The following HMCN1 variants were observed in gnomAD, a reference collection of about 807,000 sequenced individuals.
The protein encoded by HMCN1 is hemicentin-1.
HMCN1 carries 321 observed loss-of-function variants against 625.9 expected under a neutral mutation model. That is an observed-to-expected ratio of 0.51 (90% CI 0.47 to 0.56). The LOEUF (loss-of-function observed/expected upper bound fraction) is 0.56, where lower values mean the gene tolerates loss of function less well. Ranked by LOEUF, HMCN1 falls within the 20% of genes least tolerant of loss-of-function variation. The pLI is 0.00. For missense variants in HMCN1, 6,588 were observed against 6,887.3 expected (o/e 0.96, Z 1.54); for synonymous variants, 2,425 against 2,417.6 (o/e 1.00, Z -0.09).
chr1:186,112,923 A>T lies in HMCN1; in HGVS notation c.11101A>T (p.Thr3701Ser). Reference protein sequence around the residue: ...TCVASNIAGKTTREFILTVNV... With the variant: ...TCVASNIAGKSTREFILTVNV... ...TGTTGCCAGCAACATTGCAGGAAAG[A>T]CTACAAGAGAATTTATTCTCACTGT... is the stretch of plus-strand genomic sequence containing the variant. The change falls in exon 72 of 107, where the codon ACT (threonine) becomes TCT (serine). Residue 3701 changes from threonine to serine, a missense_variant. By Grantham distance (58) the Thr-to-Ser change is moderately conservative (BLOSUM62 1). Transcript: ENST00000271588. 6.2e-7 allele frequency: 1 copy of T among 1,614,138 alleles called. No homozygotes were observed. Among genetic ancestry groups the T allele is most frequent in the Non-Finnish European group, 8.5e-7 (1 of 1,180,002 alleles).
chr1:186,020,097 A>AG (rs1294814953), intron 35 of HMCN1, among the ~76,000 whole-genome samples: 1 of 152,048 alleles, frequency 6.6e-6, no homozygotes, highest in African/African-American at 2.4e-5. Flanking sequence ...AATATTTTTA[A>AG]GAATTAGTTT....
chr1:186,148,064 C>A (rs1437119397), intron 93 of HMCN1, among the ~76,000 whole-genome samples: 1 of 152,196 alleles, frequency 6.6e-6, no homozygotes, highest in Non-Finnish European at 1.5e-5. Flanking sequence ...TCAAATCCTG[C>A]CACTGCTTTA....
chr1:185,758,927 A>C (rs1655306369), intron 1 of HMCN1, among the ~76,000 whole-genome samples: 1 of 152,102 alleles, frequency 6.6e-6, no homozygotes, highest in Admixed American at 6.6e-5. Flanking sequence ...TAAGACCTTC[A>C]CAGGTGGTGG....
chr1:186,036,143 A>G (rs1246604511), intron 36 of HMCN1, among the ~76,000 whole-genome samples: 1 of 152,162 alleles, frequency 6.6e-6, no homozygotes, highest in African/African-American at 2.4e-5. Context: ...ATTATTGTAT[A>G]TCTTTGTCCT....
intron 49 of HMCN1, 99 bp from the exon 50 acceptor site, chr1:186,067,735 G>T (rs1383566772): frequency 1.3e-6 from 1 of 785,164 alleles, no homozygotes; most frequent in Non-Finnish European, 2.2e-6. Context: ...GTAACTGCTA[G>T]GGAATGAAAT....
At chr1:185,814,447 C>T (rs1313690495) in intron 1 of HMCN1, among the ~76,000 whole-genome samples, 2 of 152,128 alleles carry the variant, frequency 1.3e-5, no homozygotes, top group Non-Finnish European at 2.9e-5. Flanking sequence ...AGAAATTACT[C>T]ATACTTCTAC....
intron 4 of HMCN1, among the ~76,000 whole-genome samples, chr1:185,903,607 C>G (rs1399399197): frequency 6.6e-6 from 1 of 151,738 alleles, no homozygotes; most frequent in South Asian, 2.1e-4. Context: ...AATAGGTACA[C>G]AACACCCAAA....
chr1:185,787,141 ATGTGTGTGTG>A (rs375544191), intron 1 of HMCN1, among the ~76,000 whole-genome samples: 8 of 141,344 alleles, frequency 5.7e-5, no homozygotes, highest in African/African-American at 1.3e-4. Context: ...GCCATGATGT[ATGTGTGTGTG>A]TGTGTGTGTG....
At chr1:185,885,233 AGT>A (rs1197388741) in intron 4 of HMCN1, among the ~76,000 whole-genome samples, 1 of 151,910 alleles carries the variant, frequency 6.6e-6, no homozygotes. Flanking sequence ...TACATTACTA[AGT>A]TACTTCATAA....
chr1:185,906,878 C>A (rs1249394714), intron 4 of HMCN1, among the ~76,000 whole-genome samples: 3 of 151,340 alleles, frequency 2.0e-5, no homozygotes, highest in African/African-American at 7.3e-5. Flanking sequence ...CCATATCAGG[C>A]ATTATCCTCA....
chr1:186,107,329 T>C (rs1660657887), intron 70 of HMCN1, among the ~76,000 whole-genome samples: 2 of 152,184 alleles, frequency 1.3e-5, no homozygotes, highest in Non-Finnish European at 2.9e-5. Context: ...TGGGGGGCAG[T>C]TCATGGATTG....
intron 4 of HMCN1, among the ~76,000 whole-genome samples, chr1:185,903,405 G>A (rs1305337332): frequency 3.3e-5 from 5 of 151,580 alleles, no homozygotes; most frequent in Admixed American, 6.6e-5. Flanking sequence ...CCAGAGAATA[G>A]TTTATCCTCT....
At chr1:186,155,742 C>CTGATG (rs565750538) in intron 97 of HMCN1, among the ~76,000 whole-genome samples, 153 of 152,262 alleles carry the variant, frequency 1.0e-3, no homozygotes, top group Admixed American at 2.2e-3. Context: ...TGAATCACAT[C>CTGATG]TGATGTATGT....
At chr1:185,918,008 T>C (rs1412630564) in intron 6 of HMCN1, among the ~76,000 whole-genome samples, 1 of 152,202 alleles carries the variant, frequency 6.6e-6, no homozygotes, top group Non-Finnish European at 1.5e-5. Context: ...AACTTTAGGA[T>C]ACCAATATAT....
chr1:185,780,935 C>T (rs541330249), intron 1 of HMCN1, among the ~76,000 whole-genome samples: 15 of 152,308 alleles, frequency 9.8e-5, no homozygotes, highest in African/African-American at 3.4e-4. Flanking sequence ...ACCAGCTCCT[C>T]GTTGTACCTC....
intron 4 of HMCN1, among the ~76,000 whole-genome samples, chr1:185,902,125 A>G (rs1665837121): frequency 2.0e-5 from 3 of 151,730 alleles, no homozygotes. Context: ...AACTATAAAA[A>G]CACTTGGAAG....
intron 1 of HMCN1, among the ~76,000 whole-genome samples, chr1:185,810,063 C>G (rs1272579671): frequency 6.6e-6 from 1 of 152,116 alleles, no homozygotes; most frequent in African/African-American, 2.4e-5. Flanking sequence ...TTATTGGTAA[C>G]TGCAAAATAA....
intron 1 of HMCN1, among the ~76,000 whole-genome samples, chr1:185,811,075 T>G (rs887337879): frequency 2.6e-5 from 4 of 152,178 alleles, no homozygotes; most frequent in Admixed American, 2.6e-4. Flanking sequence ...ATCTGAAATT[T>G]TTTGTGTATC....
intron 100 of HMCN1, among the ~76,000 whole-genome samples, chr1:186,170,031 A>G (rs1037639976): frequency 6.6e-6 from 1 of 152,214 alleles, no homozygotes; most frequent in African/African-American, 2.4e-5. Flanking sequence ...ACACTTCTCA[A>G]AAGAAGACAT....
Sources: allele counts gnomAD v4.1 joint callset (sites outside exome capture counted in the v4.1 genomes callset), GRCh38; gene constraint gnomAD v4.1.1; transcripts MANE v1.5; gene names NCBI Gene and HGNC (gene_info 2026-07-23, HGNC 2026-07-21).